The following SBNO2 variants were observed in gnomAD, a reference collection of about 807,000 sequenced individuals.
The protein encoded by SBNO2 is strawberry notch homolog 2.
A neutral mutation model predicts 146.3 loss-of-function variants in SBNO2; 89 were observed. The observed-to-expected ratio is 0.61, with a 90% CI of 0.51 to 0.73. The LOEUF is 0.73. Among genes scored for constraint, SBNO2 ranks in the 30% least tolerant of loss-of-function variants. The probability of loss-of-function intolerance (pLI) is 0.00; values close to 1 mark genes in which losing one functional copy is unlikely to be tolerated. For missense variants in SBNO2, 2,092 were observed against 2,003.7 expected (o/e 1.04, Z -0.84); for synonymous variants, 1,147 against 892.6 (o/e 1.29, Z -5.08).
At position 1,123,990 on chromosome 19, in the gene SBNO2, G is replaced by A. The variant is rs755907348; in HGVS notation, c.474C>T (p.Phe158=). 19 of 1,612,016 alleles carry A rather than the reference G, an allele frequency of 1.2e-5. No individual in the cohort carries two copies. The highest frequency in any genetic ancestry group is 3.3e-4 in the Middle Eastern group (2 of 6,064). ...LFQLSRPFAG[F]EDFLPSHSTP... ...TGCTGTGGGAGGGCAGAAAGTCCTC[G>A]AAGCCTGCAAACGGCCTGCTGAGCT... Residue 158 remains phenylalanine (F), a synonymous_variant, in exon 6 of 32, where the codon TTC becomes TTT. Transcript: ENST00000361757.
Position 1,125,819 on chromosome 19 carries a change from TC to T in SBNO2, c.441+1784del, listed in dbSNP as rs371906685. ...GACCAGCCTGGACAACATGATAAAA[TC>T]CTATCTCTACAAAAAATACAAAAAT... On this transcript the variant is annotated intron_variant, in intron 5 of 31. Coordinates refer to ENST00000361757, the MANE Select transcript of SBNO2 (RefSeq NM_014963.3). Among the ~76,000 whole-genome samples, 64 of 151,882 alleles carry T rather than the reference TC, an allele frequency of 4.2e-4. 1 individual carries two copies. The highest frequency in any genetic ancestry group is 1.4e-3 in the African/African-American group (59 of 41,386).
chr19:1,161,753 T>A (rs2080347229), intron 1 of SBNO2, among the ~76,000 whole-genome samples: 1 of 151,990 alleles, frequency 6.6e-6, no homozygotes. Context: ...TTATCAGAAC[T>A]GCGTAGGGAG....
At chr19:1,113,409 T>A in intron 19 of SBNO2, 126 bp downstream of exon 19, 1 of 907,424 alleles carries the variant, frequency 1.1e-6, no homozygotes, top group Non-Finnish European at 1.6e-6. Flanking sequence ...AAACGCCCCC[T>A]CCTCGCAGGG....
intron 5 of SBNO2, 65 bp downstream of exon 5, chr19:1,127,539 G>C: frequency 6.7e-7 from 1 of 1,485,946 alleles, no homozygotes; most frequent in South Asian, 1.1e-5. Flanking sequence ...TGGACCGTGT[G>C]GGTCCCGGGC....
chr19:1,154,759 A>G (rs951760323), intron 1 of SBNO2, among the ~76,000 whole-genome samples: 2 of 152,184 alleles, frequency 1.3e-5, no homozygotes, highest in African/African-American at 2.4e-5. Flanking sequence ...CTTTGTCAGC[A>G]GCCGGTGTGA....
rs1437431198 is a variant in SBNO2, at chr19:1,157,533, G to A, written c.-126-3131C>T. The stretch of plus-strand genomic sequence containing the variant: ...CCCCTGCCTGGTTTTATTTTTGGGC[G>A]CGAGTCCCATGACTGGAGGGATGCG... On this transcript the variant is annotated intron_variant, in intron 1 of 31. Transcript: ENST00000361757. This position sits in a 1 kb window ranked among gnomAD's most constrained non-coding sequence, Gnocchi z 6.8. Among the ~76,000 whole-genome samples the A allele has an allele frequency of 1.3e-5, 2 of 151,972 alleles. No homozygotes were observed. The highest frequency in any genetic ancestry group is 4.8e-5 in the African/African-American group (2 of 41,372).
Position 1,122,268 on chromosome 19 carries a change from G to A in SBNO2, c.1020C>T (p.Asp340=). ...AGAGGACGCCCTCTGAGGTAGTGGT[G>A]TCACCGTACTTGATCTGGGGATGCA... ...VHALSKIKYG[D]TTTSEGVLFA... The change falls in exon 11 of 32, where the codon GAC becomes GAT. Residue 340 remains aspartate (D), a synonymous_variant. Transcript: ENST00000361757. 6.4e-7 allele frequency: 1 copy of A among 1,571,056 alleles called. No individual in the cohort carries two copies. The highest frequency in any genetic ancestry group is 8.6e-7 in the Non-Finnish European group (1 of 1,158,028).
At chr19:1,134,736 G>C (rs1263046694) in intron 4 of SBNO2, among the ~76,000 whole-genome samples, 3 of 152,162 alleles carry the variant, frequency 2.0e-5, no homozygotes, top group African/African-American at 7.2e-5. Context: ...GCACAACTCT[G>C]TGAATATACT....
intron 2 of SBNO2, among the ~76,000 whole-genome samples, chr19:1,151,506 G>A (rs2080242320): frequency 6.6e-6 from 1 of 152,242 alleles, no homozygotes; most frequent in Non-Finnish European, 1.5e-5. Context: ...CCACAGGGGT[G>A]CCATGGGCAT....
At position 1,111,914 on chromosome 19, in the gene SBNO2, C is replaced by G; in HGVS notation, c.2700+82G>C. On this transcript the variant is annotated intron_variant, in intron 23 of 31. Transcript: ENST00000361757. ...CCCACGTTCTCCAGCCCCCATCTACCCCCTCCCCCAGGCTCTTAGATCCGG... is the reference window on the plus strand; with the variant it reads ...CCCACGTTCTCCAGCCCCCATCTACGCCCTCCCCCAGGCTCTTAGATCCGG... 5 of 1,305,206 alleles carry G rather than the reference C, an allele frequency of 3.8e-6. 1 individual carries two copies. In the South Asian group the frequency reaches 6.7e-5, roughly 18 times the overall value. The allele number at this position is 1,305,206 out of a possible 1,614,324, so 80.9% of individuals were successfully genotyped here. A position where few individuals can be genotyped will look rare whatever the true frequency, so the allele number is the denominator to read the frequency against.
intron 1 of SBNO2, among the ~76,000 whole-genome samples, chr19:1,164,686 G>A (rs1184603329): frequency 4.2e-4 from 10 of 23,766 alleles, no homozygotes; most frequent in Admixed American, 5.9e-4. Flanking sequence ...AGGAGGAGGA[G>A]GAGGAGGAAG....
chr19:1,115,854 G>C, intron 17 of SBNO2, 167 bp downstream of exon 17: 1 of 677,104 alleles, frequency 1.5e-6, no homozygotes, highest in Non-Finnish European at 2.7e-6. Context: ...CAGGGTCCAC[G>C]CAAGACCTGC....
At chr19:1,170,903 GCATGGGCA>G (rs1344160341) in intron 1 of SBNO2, among the ~76,000 whole-genome samples, 40 of 142,766 alleles carry the variant, frequency 2.8e-4, no homozygotes, top group African/African-American at 9.6e-4. Context: ...ACACACGCAA[GCATGGGCA>G]CATGGGCACA....
intron 6 of SBNO2, 31 bp downstream of exon 6, chr19:1,123,911 G>A (rs781048490): frequency 1.9e-6 from 3 of 1,599,960 alleles, no homozygotes; most frequent in Admixed American, 3.4e-5. Context: ...GAGAGGGCAG[G>A]GGAGGGAGCT....
At chr19:1,167,212 G>A (rs868249085) in intron 1 of SBNO2, among the ~76,000 whole-genome samples, 1 of 152,266 alleles carries the variant, frequency 6.6e-6, no homozygotes, top group South Asian at 2.1e-4. Context: ...CCTGGAGGAG[G>A]GAACTGAGGG....
In SBNO2 at chr19:1,158,917, G is replaced by T. The variant is rs905292938; in HGVS notation, c.-126-4515C>A. Reference sequence around the variant, plus strand: ...CACAGCCGCGACCCCACCTGCAGCCGTGACCCCACCTGCAGCCGCGACCCC... The same window carrying T: ...CACAGCCGCGACCCCACCTGCAGCCTTGACCCCACCTGCAGCCGCGACCCC... On this transcript the variant is annotated intron_variant, in intron 1 of 31. Coordinates refer to ENST00000361757, the MANE Select transcript of SBNO2 (RefSeq NM_014963.3). This position sits in a 1 kb window ranked among gnomAD's most constrained non-coding sequence, Gnocchi z 9.9. Among the ~76,000 whole-genome samples, 3 of 143,258 alleles carry T rather than the reference G, an allele frequency of 2.1e-5. No homozygotes were observed. The highest frequency in any genetic ancestry group is 4.7e-5 in the Non-Finnish European group (3 of 63,900). The allele number at this position is 143,258 out of a possible 152,430, so 94.0% of individuals were successfully genotyped here.
chr19:1,142,402 T>C lies in SBNO2; in HGVS notation c.279+4907A>G, dbSNP rs2080149763. On this transcript the variant is annotated intron_variant, in intron 4 of 31. Coordinates refer to ENST00000361757, the MANE Select transcript of SBNO2 (RefSeq NM_014963.3). Reference sequence around the variant, plus strand: ...TCCACGGCTCATCTGCTTTCTCCTATTGCTCTGGCTGCCAAGAAACTCAGG... The same window carrying C: ...TCCACGGCTCATCTGCTTTCTCCTACTGCTCTGGCTGCCAAGAAACTCAGG... Among the ~76,000 whole-genome samples, 4 of 152,306 alleles carry C rather than the reference T, an allele frequency of 2.6e-5. No homozygotes were observed. The South Asian group carries it at 8.3e-4, about 32-fold the overall frequency.
intron 2 of SBNO2, among the ~76,000 whole-genome samples, chr19:1,151,809 C>T (rs1283690960): frequency 2.6e-5 from 4 of 152,182 alleles, no homozygotes; most frequent in African/African-American, 9.7e-5. Context: ...ATTACAGGCG[C>T]CCGCCACCAC....
At chr19:1,141,987 G>C (rs564507398) in intron 4 of SBNO2, among the ~76,000 whole-genome samples, 2 of 142,306 alleles carry the variant, frequency 1.4e-5, no homozygotes, top group Admixed American at 1.5e-4. Context: ...GGCCCTACTC[G>C]GAGTCTGTGA....
Sources: gnomAD v4.1 joint callset for allele counts (sites outside exome capture counted in the v4.1 genomes callset) on GRCh38, gnomAD v4.1.1 for gene constraint, Gnocchi (gnomAD v3.1) non-coding constraint, MANE v1.5 for transcripts, NCBI Gene and HGNC (gene_info 2026-07-23, HGNC 2026-07-21) for gene names.